Variants in AQP9 observed in about 807,000 individuals in gnomAD.
AQP9 encodes the protein aquaporin-9.
Under a neutral mutation model 23.8 loss-of-function variants are expected in AQP9, and 19 were observed. That is an observed-to-expected ratio of 0.80 (90% confidence interval 0.56 to 1.17). The LOEUF is 1.17. AQP9 is among the 50% of genes most tolerant of loss of function. The pLI is 0.00. For synonymous variants in AQP9, 153 were observed against 131.5 expected (o/e 1.16, Z -1.12); for missense variants, 413 against 362.0 (o/e 1.14, Z -1.14).
At chr15:58,167,691 C>G (rs1268551360) in intron 2 of AQP9, among the ~76,000 whole-genome samples, 2 of 152,066 alleles carry the variant, frequency 1.3e-5, no homozygotes, top group Non-Finnish European at 2.9e-5. Flanking sequence ...GACAGTGAAG[C>G]TCACATCCTC....
At chr15:58,179,015 A>G (rs1898819634) in intron 4 of AQP9, 113 bp from the exon 5 acceptor site, 1 of 725,938 alleles carries the variant, frequency 1.4e-6, no homozygotes, top group African/African-American at 1.8e-5. Context: ...ATATTGTAAT[A>G]TAAGTAAAAT....
chr15:58,170,717 T>A (rs1898601842), intron 2 of AQP9, among the ~76,000 whole-genome samples: 4 of 152,100 alleles, frequency 2.6e-5, no homozygotes, highest in Non-Finnish European at 5.9e-5. Flanking sequence ...TCTTCAGCTT[T>A]TATATTGAAT....
chr15:58,160,770 G>A (rs1474753814), intron 1 of AQP9, among the ~76,000 whole-genome samples: 1 of 152,128 alleles, frequency 6.6e-6, no homozygotes, highest in Non-Finnish European at 1.5e-5. Context: ...AAGCCAATGA[G>A]GGCTTTTGTT....
chr15:58,166,082 T>G (rs1898496831), intron 1 of AQP9, among the ~76,000 whole-genome samples: 1 of 152,208 alleles, frequency 6.6e-6, no homozygotes, highest in Non-Finnish European at 1.5e-5. Context: ...GTGGTTTGTG[T>G]GCCTGGTCCT....
intron 1 of AQP9, among the ~76,000 whole-genome samples, chr15:58,161,616 CT>C (rs1472001650): frequency 6.6e-6 from 1 of 152,186 alleles, no homozygotes; most frequent in Non-Finnish European, 1.5e-5. Flanking sequence ...TTATAGATGT[CT>C]TTTCTCCTCT....
At chr15:58,150,591 T>C (rs1595729688) in intron 1 of AQP9, 1 of 152,516 alleles carries the variant, frequency 6.6e-6, no homozygotes, top group Non-Finnish European at 1.5e-5. Flanking sequence ...AGCAATACCA[T>C]TGACTTCCAA....
At chr15:58,156,834 G>A (rs1456573875) in intron 1 of AQP9, among the ~76,000 whole-genome samples, 1 of 152,126 alleles carries the variant, frequency 6.6e-6, no homozygotes, top group Non-Finnish European at 1.5e-5. Flanking sequence ...ACATTCAGGT[G>A]CGTCTGCCAT....
chr15:58,152,984 T>G (rs572357474), intron 1 of AQP9: 57 of 152,304 alleles, frequency 3.7e-4, no homozygotes, highest in African/African-American at 1.3e-3. Flanking sequence ...CACGATAATA[T>G]TAATTCTAGT....
At chr15:58,176,457 G>A (rs1275917924) in intron 4 of AQP9, among the ~76,000 whole-genome samples, 8 of 152,024 alleles carry the variant, frequency 5.3e-5, no homozygotes, top group Non-Finnish European at 1.2e-4. Flanking sequence ...GTTGGAGGCT[G>A]CAGTGAGCTA....
chr15:58,138,878 C>A, intron 1 of AQP9: 1 of 505,200 alleles, frequency 2.0e-6, no homozygotes, highest in Non-Finnish European at 3.6e-6. Flanking sequence ...ATTGCATTTA[C>A]CCACAAAAGT....
At chr15:58,154,523 C>G (rs1439888352) in intron 1 of AQP9, 1 of 151,930 alleles carries the variant, frequency 6.6e-6, no homozygotes, top group Non-Finnish European at 1.5e-5. Flanking sequence ...GCAACCACCT[C>G]GCCCCCTCAC....
intron 1 of AQP9, chr15:58,151,487 C>T (rs1315753086): frequency 6.6e-6 from 1 of 152,052 alleles, no homozygotes; most frequent in East Asian, 1.9e-4. Context: ...TAACTTTCTC[C>T]TCTGACCCAC....
intron 1 of AQP9, chr15:58,163,828 G>A (rs1229555350): frequency 6.6e-6 from 1 of 152,264 alleles, no homozygotes; most frequent in Non-Finnish European, 1.5e-5. Flanking sequence ...GAGAGAACCA[G>A]AGTGGGTGGC....
At chr15:58,151,610 C>T (rs1407177892) in intron 1 of AQP9, 1 of 152,046 alleles carries the variant, frequency 6.6e-6, no homozygotes, top group Non-Finnish European at 1.5e-5. Flanking sequence ...TAGTTCTCTT[C>T]CCCTACTTAT....
At chr15:58,149,140 T>C (rs1002376854) in intron 1 of AQP9, among the ~76,000 whole-genome samples, 1 of 152,182 alleles carries the variant, frequency 6.6e-6, no homozygotes, top group Non-Finnish European at 1.5e-5. Context: ...TCTGTGCTAA[T>C]AAAGGAAACA....
At chr15:58,183,451 TTTAAA>T (rs1457399890) in intron 5 of AQP9, among the ~76,000 whole-genome samples, 1 of 152,230 alleles carries the variant, frequency 6.6e-6, no homozygotes, top group Non-Finnish European at 1.5e-5. Flanking sequence ...TAAGTACTGA[TTTAAA>T]TTATATTTAG....
intron 1 of AQP9, chr15:58,146,918 C>T (rs1431042921): frequency 6.6e-6 from 1 of 152,212 alleles, no homozygotes; most frequent in Non-Finnish European, 1.5e-5. Flanking sequence ...GTGCTTCCTA[C>T]AAATGAGGCC....
At chr15:58,169,872 C>G (rs1160539745) in intron 2 of AQP9, among the ~76,000 whole-genome samples, 1 of 152,076 alleles carries the variant, frequency 6.6e-6, no homozygotes, top group Admixed American at 6.6e-5. Context: ...ATTGAAAAAG[C>G]AAATAGACTT....
At chr15:58,168,237 C>T (rs779670235) in intron 2 of AQP9, among the ~76,000 whole-genome samples, 1 of 151,454 alleles carries the variant, frequency 6.6e-6, no homozygotes, top group Non-Finnish European at 1.5e-5. Context: ...TGCCATGTTG[C>T]CCAGGCTGGT....
Sources: gnomAD v4.1 joint callset for allele counts (sites outside exome capture counted in the v4.1 genomes callset) on GRCh38, gnomAD v4.1.1 for gene constraint, MANE v1.5 for transcripts, NCBI Gene and HGNC (gene_info 2026-07-23, HGNC 2026-07-21) for gene names.